SPIDR: variants seen among roughly 807,000 people sequenced by gnomAD.
SPIDR encodes the protein scaffold protein involved in DNA repair.
A neutral mutation model predicts 104.6 loss-of-function variants in SPIDR; 93 were observed. That is an observed-to-expected ratio of 0.89 (90% confidence interval 0.75 to 1.06). The LOEUF is 1.06. Ranked by LOEUF, SPIDR falls within the 50% of genes least tolerant of loss-of-function variation. The pLI is 0.00. For synonymous variants in SPIDR, 431 were observed against 416.9 expected (o/e 1.03, Z -0.41); for missense variants, 1,154 against 1,111.2 (o/e 1.04, Z -0.55).
At chr8:47,428,220 A>C (rs1298267712) in intron 7 of SPIDR, among the ~76,000 whole-genome samples, 1 of 152,242 alleles carries the variant, frequency 6.6e-6, no homozygotes, top group Non-Finnish European at 1.5e-5. Flanking sequence ...TACCATGCCC[A>C]GCCTGGGATC....
At chr8:47,698,950 G>A (rs570618854) in intron 11 of SPIDR, among the ~76,000 whole-genome samples, 3 of 152,274 alleles carry the variant, frequency 2.0e-5, no homozygotes, top group African/African-American at 7.2e-5. Context: ...CACTTTTTGG[G>A]AAACTCCAAA....
chr8:47,692,732 G>C (rs1347715904), intron 11 of SPIDR, among the ~76,000 whole-genome samples: 1 of 152,040 alleles, frequency 6.6e-6, no homozygotes, highest in African/African-American at 2.4e-5. Context: ...ACAGGTGTGA[G>C]CCACCACACC....
intron 8 of SPIDR, among the ~76,000 whole-genome samples, chr8:47,463,766 A>G (rs2074329965): frequency 6.6e-6 from 1 of 152,242 alleles, no homozygotes; most frequent in Non-Finnish European, 1.5e-5. Context: ...GAAAAACCAT[A>G]CAATTGTTTT....
chr8:47,336,461 C>T (rs534166786), intron 5 of SPIDR, among the ~76,000 whole-genome samples: 1 of 152,194 alleles, frequency 6.6e-6, no homozygotes, highest in South Asian at 2.1e-4. Flanking sequence ...TCTCCCTGAC[C>T]AACTAAAATT....
At chr8:47,463,379 G>GA (rs1443739820) in intron 8 of SPIDR, among the ~76,000 whole-genome samples, 1 of 150,376 alleles carries the variant, frequency 6.6e-6, no homozygotes, top group Admixed American at 6.6e-5. Context: ...AAAAGGAAAA[G>GA]AAAAAACCTT....
At chr8:47,569,387 T>C (rs2058260236) in intron 8 of SPIDR, among the ~76,000 whole-genome samples, 1 of 152,206 alleles carries the variant, frequency 6.6e-6, no homozygotes, top group Non-Finnish European at 1.5e-5. Flanking sequence ...TAGGAAATAT[T>C]GGACTTGAAC....
chr8:47,625,255 CT>C (rs1383609973), intron 10 of SPIDR, among the ~76,000 whole-genome samples: 1 of 152,184 alleles, frequency 6.6e-6, no homozygotes, highest in Non-Finnish European at 1.5e-5. Context: ...TAAGAGCTAT[CT>C]ATGGCAAACC....
At chr8:47,457,649 C>T (rs2073213676) in intron 8 of SPIDR, among the ~76,000 whole-genome samples, 1 of 152,114 alleles carries the variant, frequency 6.6e-6, no homozygotes, top group Non-Finnish European at 1.5e-5. Context: ...GGTTCTTGGT[C>T]ATGAAAACTT....
At chr8:47,272,553 C>T (rs2035545728) in intron 1 of SPIDR, among the ~76,000 whole-genome samples, 1 of 152,154 alleles carries the variant, frequency 6.6e-6, no homozygotes, top group Non-Finnish European at 1.5e-5. Context: ...TACGGAGGGA[C>T]TCTGTTGAGA....
rs191099631 is a variant in SPIDR, at chr8:47,593,086, C to T, written c.1098-2725C>T. Among the ~76,000 whole-genome samples the T allele has an allele frequency of 5.8e-4, 88 of 152,222 alleles. 1 individual carries two copies. Among genetic ancestry groups the T allele is most frequent in the African/African-American group, 2.1e-3 (86 of 41,526 alleles). On this transcript the variant is annotated intron_variant, in intron 8 of 19. Transcript: ENST00000297423. ...TTTTTTAGTAGAGATAGGGTTTCTTCATGTTGGTCAGGCTGGTCTCGAACT... is the reference window on the plus strand; with the variant it reads ...TTTTTTAGTAGAGATAGGGTTTCTTTATGTTGGTCAGGCTGGTCTCGAACT...
At chr8:47,614,906 A>G (rs1291476614) in intron 10 of SPIDR, among the ~76,000 whole-genome samples, 1 of 152,060 alleles carries the variant, frequency 6.6e-6, no homozygotes, top group Non-Finnish European at 1.5e-5. Context: ...CTGACATGAG[A>G]TGGTATCTCA....
chr8:47,639,769 G>A (rs113873897), intron 10 of SPIDR, among the ~76,000 whole-genome samples: 2,764 of 152,086 alleles, frequency 0.018, 86 homozygotes, highest in African/African-American at 0.064. Flanking sequence ...CAAACATGGT[G>A]AAACCCCATC....
chr8:47,679,254 T>A (rs1421530415), intron 11 of SPIDR, among the ~76,000 whole-genome samples: 1 of 152,192 alleles, frequency 6.6e-6, no homozygotes, highest in Non-Finnish European at 1.5e-5. Context: ...AGTGTGCCCC[T>A]TTTTTGATGA....
chr8:47,582,265 C>G (rs1441487258), intron 8 of SPIDR, among the ~76,000 whole-genome samples: 1 of 151,064 alleles, frequency 6.6e-6, no homozygotes, highest in Middle Eastern at 3.5e-3. Context: ...TTATAGTAAT[C>G]TACATGTTAG....
At chr8:47,416,894 C>T (rs764758012) in intron 7 of SPIDR, among the ~76,000 whole-genome samples, 31 of 120,548 alleles carry the variant, frequency 2.6e-4, no homozygotes, top group African/African-American at 5.6e-4. Flanking sequence ...TTTGTCCTTG[C>T]GATAATTTGC....
intron 11 of SPIDR, among the ~76,000 whole-genome samples, chr8:47,678,470 A>G (rs2076705893): frequency 6.6e-6 from 1 of 152,198 alleles, no homozygotes; most frequent in Admixed American, 6.5e-5. Context: ...CAGGAGCACA[A>G]AACAGCTCAC....
chr8:47,572,335 T>G (rs1372174101), intron 8 of SPIDR, among the ~76,000 whole-genome samples: 1 of 152,098 alleles, frequency 6.6e-6, no homozygotes, highest in Non-Finnish European at 1.5e-5. Context: ...CGATAAGATA[T>G]TATCAGTAAT....
intron 10 of SPIDR, among the ~76,000 whole-genome samples, chr8:47,668,058 G>C (rs537334531): frequency 6.6e-6 from 1 of 152,238 alleles, no homozygotes; most frequent in South Asian, 2.1e-4. Flanking sequence ...TGAGCTGGTA[G>C]TTCAGAATCT....
At chr8:47,430,482 G>A (rs757502906) in intron 7 of SPIDR, among the ~76,000 whole-genome samples, 2 of 146,230 alleles carry the variant, frequency 1.4e-5, no homozygotes, top group African/African-American at 2.4e-5. Flanking sequence ...CAAGGATAAA[G>A]TGACAGTGGG....
Sources: allele counts gnomAD v4.1 joint callset (sites outside exome capture counted in the v4.1 genomes callset), GRCh38; gene constraint gnomAD v4.1.1; transcripts MANE v1.5; gene names NCBI Gene and HGNC (gene_info 2026-07-23, HGNC 2026-07-21).